Variants in CNGB1 observed in about 807,000 individuals in gnomAD.
The protein encoded by CNGB1 is cyclic nucleotide-gated channel beta-1.
Under a neutral mutation model 151.7 loss-of-function variants are expected in CNGB1, and 126 were observed. The ratio of observed to expected loss-of-function variants is 0.83; its 90% CI spans 0.72 to 0.96. CNGB1 has a LOEUF of 0.96. CNGB1 is among the 40% of genes least tolerant of loss of function. CNGB1 has a pLI of 0.00. For missense variants in CNGB1, 1,698 were observed against 1,627.0 expected (o/e 1.04, Z -0.75); for synonymous variants, 623 against 635.1 (o/e 0.98, Z 0.29).
chr16:57,899,407 A>T (rs1363725719), intron 29 of CNGB1, among the ~76,000 whole-genome samples: 1 of 152,226 alleles, frequency 6.6e-6, no homozygotes, highest in Admixed American at 6.5e-5. Flanking sequence ...TGGGAGGCCA[A>T]GGCGGGCACA....
intron 21 of CNGB1, among the ~76,000 whole-genome samples, chr16:57,916,858 A>T (rs1233366677): frequency 1.3e-5 from 2 of 152,136 alleles, no homozygotes; most frequent in Admixed American, 6.5e-5. Flanking sequence ...AGCGCCCCGC[A>T]TGCATCGTTT....
chr16:57,955,390 G>A (rs1428300333), intron 12 of CNGB1: 2 of 1,549,096 alleles, frequency 1.3e-6, no homozygotes, highest in African/African-American at 2.7e-5. Flanking sequence ...GAGAAGACAG[G>A]GTGGGTGGCT....
chr16:57,936,265 A>G (rs1464612570), intron 16 of CNGB1, among the ~76,000 whole-genome samples: 1 of 152,006 alleles, frequency 6.6e-6, no homozygotes, highest in Non-Finnish European at 1.5e-5. Flanking sequence ...CTGAAATGGA[A>G]TTTGCTGAGC....
chr16:57,901,214 A>G, intron 29 of CNGB1, 138 bp downstream of exon 29: 1 of 870,108 alleles, frequency 1.1e-6, no homozygotes, highest in Non-Finnish European at 1.9e-6. Context: ...TCACTGCAGC[A>G]TGAAGCCGCA....
Position 57,950,430 on chromosome 16 carries a change from C to A in CNGB1, c.985G>T (p.Val329Leu). 6.2e-7 allele frequency: 1 copy of A among 1,614,270 alleles called. No homozygotes were observed. The highest frequency in any genetic ancestry group is 8.5e-7 in the Non-Finnish European group (1 of 1,180,046). ...DVSTSPQGTE[V>L]VPAYEEENKA... ...TTCTCTTCTTCATAAGCTGGAACCACCTCTGTACCCTGTGGGCTGGTACTG... is the reference window on the plus strand; with the variant it reads ...TTCTCTTCTTCATAAGCTGGAACCAACTCTGTACCCTGTGGGCTGGTACTG... Residue 329 changes from valine to leucine, a missense_variant, in exon 13 of 33, where the codon GTG (valine) becomes TTG (leucine). Physicochemically the swap from Val to Leu is conservative, Grantham distance 32. Coordinates refer to ENST00000251102, the MANE Select transcript of CNGB1 (RefSeq NM_001297.5).
chr16:57,964,243 A>G, intron 3 of CNGB1, 41 bp from the exon 4 acceptor site: 1 of 1,590,486 alleles, frequency 6.3e-7, no homozygotes. Flanking sequence ...AGGGCCTCAG[A>G]CAGGCCCATT....
chr16:57,959,912 A>AG lies in CNGB1; in HGVS notation c.736dup (p.Leu246ProfsTer37), dbSNP rs758563429. Reference sequence around the variant, plus strand: ...CCTGGCAGGGTCCCTGGTTGGTGGCAGGGAGGAGGTCTGGGCCTGGGAGCC... The same window carrying AG: ...CCTGGCAGGGTCCCTGGTTGGTGGCAGGGGAGGAGGTCTGGGCCTGGGAGCC... On this transcript the variant is annotated frameshift_variant, in exon 10 of 33. Coordinates refer to ENST00000251102, the MANE Select transcript of CNGB1 (RefSeq NM_001297.5). LOFTEE classifies it high-confidence loss of function. The AG allele has an allele frequency of 6.4e-7, 1 of 1,558,362 alleles. No individual in the cohort carries two copies. Among genetic ancestry groups the AG allele is most frequent in the Non-Finnish European group, 8.7e-7 (1 of 1,151,232 alleles).
intron 4 of CNGB1, 63 bp from the exon 5 acceptor site, chr16:57,963,127 C>T (rs1962305265): frequency 1.7e-6 from 2 of 1,201,192 alleles, no homozygotes; most frequent in African/African-American, 2.9e-5. Flanking sequence ...GCCCTCGAGG[C>T]CCAAGACACT....
At chr16:57,969,260 C>T (rs924684302) in intron 1 of CNGB1, among the ~76,000 whole-genome samples, 1 of 152,178 alleles carries the variant, frequency 6.6e-6, no homozygotes, top group Non-Finnish European at 1.5e-5. Context: ...GAGCCGAGAT[C>T]GTGCCACTGC....
chr16:57,927,914 C>T (rs1406205347), intron 17 of CNGB1, among the ~76,000 whole-genome samples: 3 of 152,228 alleles, frequency 2.0e-5, no homozygotes, highest in Non-Finnish European at 4.4e-5. Context: ...TACTCCAAGG[C>T]TCAGTGAAAC....
intron 14 of CNGB1, among the ~76,000 whole-genome samples, chr16:57,948,052 G>A (rs1207809203): frequency 1.3e-5 from 2 of 152,202 alleles, no homozygotes; most frequent in African/African-American, 2.4e-5. Flanking sequence ...GAGAAAGGAC[G>A]CGGGTCATGA....
chr16:57,908,181 A>G (rs1295016704), intron 25 of CNGB1, among the ~76,000 whole-genome samples: 1 of 152,236 alleles, frequency 6.6e-6, no homozygotes, highest in African/African-American at 2.4e-5. Flanking sequence ...ATGAGCCACC[A>G]AAACCAGCCT....
chr16:57,963,026 A>G lies in CNGB1; in HGVS notation c.329T>C (p.Val110Ala). ...AACAGGCTGCGGGATCACCTTCTCTACGCCCTTCATGAGCCAGGTCAGTAC... is the reference window on the plus strand; with the variant it reads ...AACAGGCTGCGGGATCACCTTCTCTGCGCCCTTCATGAGCCAGGTCAGTAC... ...RRVLTWLMKGVEKVIPQPVHS... is the reference protein window; with the variant it reads ...RRVLTWLMKGAEKVIPQPVHS... Residue 110 changes from valine to alanine, a missense_variant, in exon 5 of 33, where the codon GTA becomes GCA. Coordinates refer to ENST00000251102, the MANE Select transcript of CNGB1 (RefSeq NM_001297.5). 1.2e-6 allele frequency: 2 copies of G among 1,613,444 alleles called. No individual in the cohort carries two copies. The highest frequency in any genetic ancestry group is 1.7e-6 in the Non-Finnish European group (2 of 1,179,954).
chr16:57,893,919 A>G (rs1451332487), intron 31 of CNGB1, among the ~76,000 whole-genome samples: 19 of 152,258 alleles, frequency 1.2e-4, no homozygotes, highest in African/African-American at 4.3e-4. Flanking sequence ...CACAGCCAGC[A>G]CCTCACATGG....
intron 25 of CNGB1, among the ~76,000 whole-genome samples, chr16:57,909,587 C>A (rs1960651958): frequency 6.6e-6 from 1 of 152,154 alleles, no homozygotes; most frequent in African/African-American, 2.4e-5. Context: ...TGTGGTTTCG[C>A]CATGTCGACT....
At chr16:57,904,987 C>A in intron 25 of CNGB1, 112 bp from the exon 26 acceptor site, 1 of 1,365,528 alleles carries the variant, frequency 7.3e-7, no homozygotes. Context: ...AGACAGAAAC[C>A]CTTTACAGCT....
chr16:57,960,530 C>T lies in CNGB1; in HGVS notation c.535G>A (p.Val179Ile), dbSNP rs1962220763. ...GCAACTGCAGGCTCATCTCTCCAGA[C>T]CTGGGTGACAAACAGGGCGCAAGGT... ...VLPQPPKSSE[V>I]WRDEPAVATG... Residue 179 changes from valine (V) to isoleucine (I), a missense_variant and splice_region_variant, in exon 9 of 33, where the codon GTC (valine) becomes ATC (isoleucine). Val to Ile is a conservative substitution (Grantham distance 29, BLOSUM62 3). Coordinates refer to ENST00000251102, the MANE Select transcript of CNGB1 (RefSeq NM_001297.5). 6.2e-7 allele frequency: 1 copy of T among 1,613,672 alleles called. No individual in the cohort carries two copies. The highest frequency in any genetic ancestry group is 8.5e-7 in the Non-Finnish European group (1 of 1,179,782).
At chr16:57,916,316 A>G (rs1296442718) in intron 21 of CNGB1, 137 bp from the exon 22 acceptor site, 1 of 871,114 alleles carries the variant, frequency 1.1e-6, no homozygotes, top group African/African-American at 1.6e-5. Flanking sequence ...GCCTTGGTGA[A>G]AGCCTTGAGT....
intron 14 of CNGB1, 144 bp downstream of exon 14, chr16:57,949,209 C>T: frequency 1.4e-6 from 2 of 1,468,534 alleles, no homozygotes; most frequent in South Asian, 2.5e-5. Context: ...CAGCTTCTCG[C>T]AGCCTCTTTG....
Sources: gnomAD v4.1 joint callset for allele counts (sites outside exome capture counted in the v4.1 genomes callset) on GRCh38, gnomAD v4.1.1 for gene constraint, MANE v1.5 for transcripts, NCBI Gene and HGNC (gene_info 2026-07-23, HGNC 2026-07-21) for gene names.